The following MICU3 variants were observed in gnomAD, a reference collection of about 807,000 sequenced individuals.
MICU3 encodes the protein mitochondrial calcium uptake 3, also known as calcium uptake protein 3, mitochondrial.
In MICU3, 62 loss-of-function variants were observed where a neutral mutation model predicts 66.5. The observed-to-expected ratio is 0.93, with a 90% confidence interval of 0.76 to 1.15. MICU3 has a LOEUF of 1.15. Ranked by LOEUF, MICU3 falls within the 50% of genes most tolerant of loss-of-function variation. MICU3 has a pLI of 0.00. For missense variants in MICU3, 779 were observed against 664.4 expected, an observed-to-expected ratio of 1.17 and a Z score of -1.90; for synonymous variants, 308 against 240.7, an observed-to-expected ratio of 1.28 and a Z score of -2.59.
intron 1 of MICU3, among the ~76,000 whole-genome samples, chr8:17,051,600 G>A (rs1816091748): frequency 6.6e-6 from 1 of 152,168 alleles, no homozygotes. Context: ...GGGATAGGAG[G>A]AAAAGCAAGA....
chr8:17,137,147 A>G, the MICU3 span, among the ~76,000 whole-genome samples: 1 of 151,944 alleles, frequency 6.6e-6, no homozygotes, highest in South Asian at 2.1e-4. Flanking sequence ...CTTATCTTCA[A>G]TCCAAGTACG....
chr8:17,135,016 G>C, the MICU3 span, among the ~76,000 whole-genome samples: 5 of 152,288 alleles, frequency 3.3e-5, no homozygotes, highest in East Asian at 9.7e-4. Flanking sequence ...CTACTTACAA[G>C]TCAAGATTTA....
At chr8:17,114,462 G>A (rs75855974) in intron 12 of MICU3, among the ~76,000 whole-genome samples, 7,514 of 152,030 alleles carry the variant, frequency 0.049, 348 homozygotes, top group East Asian at 0.25. Flanking sequence ...CTTACAGGGT[G>A]GTATTTTATT....
At chr8:17,087,898 A>G (rs1290917057) in intron 7 of MICU3, among the ~76,000 whole-genome samples, 2 of 152,072 alleles carry the variant, frequency 1.3e-5, no homozygotes, top group Non-Finnish European at 2.9e-5. Flanking sequence ...GTTGGCATGT[A>G]AATGACATTT....
intron 6 of MICU3, 87 bp downstream of exon 6, chr8:17,085,405 G>C: frequency 2.6e-6 from 2 of 759,388 alleles, no homozygotes; most frequent in Middle Eastern, 2.5e-4. Context: ...GAGTACTACT[G>C]TAGAGAAAAG....
intron 3 of MICU3, 125 bp downstream of exon 3, chr8:17,069,844 A>G (rs1819283766): frequency 7.4e-6 from 2 of 271,524 alleles, no homozygotes; most frequent in Non-Finnish European, 1.3e-5. Context: ...TTTTTGGCAA[A>G]TCAAATCACA....
At chr8:17,036,878 T>C (rs962672844) in intron 1 of MICU3, among the ~76,000 whole-genome samples, 3 of 152,174 alleles carry the variant, frequency 2.0e-5, no homozygotes, top group South Asian at 2.1e-4. Flanking sequence ...GTGGTGCTCG[T>C]TGGGGAGGCT....
At chr8:17,034,511 T>G (rs189388414) in intron 1 of MICU3, among the ~76,000 whole-genome samples, 128 of 152,336 alleles carry the variant, frequency 8.4e-4, no homozygotes, top group African/African-American at 2.9e-3. Flanking sequence ...CAAAGTGAAT[T>G]GAAAACTTTC....
chr8:17,102,374 C>T lies in MICU3; in HGVS notation c.985-2017C>T, dbSNP rs1276091871. 2.6e-5 allele frequency: 4 copies of T among 151,960 alleles called. No homozygotes were observed. The South Asian group carries it at 6.2e-4, about 24-fold the overall frequency. The allele number at this position is 151,960 out of a possible 1,614,324, so 9.4% of individuals were successfully genotyped here. On this transcript the variant is annotated intron_variant, in intron 9 of 14. Coordinates refer to ENST00000318063, the MANE Select transcript of MICU3 (RefSeq NM_181723.3). ...ACACAAAGAGTGCCTATAATTAATA[C>T]CAGATTTCTTTTTTCCCAAAAGTTA...
chr8:17,063,905 ATTAAT>A (rs1168447176), intron 1 of MICU3, among the ~76,000 whole-genome samples, 174 bp from the exon 2 acceptor site: 18 of 152,294 alleles, frequency 1.2e-4, no homozygotes, highest in African/African-American at 4.3e-4. Context: ...TCTTTCGAAT[ATTAAT>A]TTATTTTATT....
chr8:17,110,936 A>C (rs1036651325), intron 11 of MICU3, among the ~76,000 whole-genome samples: 4 of 152,136 alleles, frequency 2.6e-5, no homozygotes, highest in Non-Finnish European at 5.9e-5. Flanking sequence ...ATTCTTTGCT[A>C]TGGCTGAATA....
At chr8:17,092,606 A>G (rs1029184229) in intron 8 of MICU3, among the ~76,000 whole-genome samples, 6 of 151,858 alleles carry the variant, frequency 4.0e-5, no homozygotes, top group South Asian at 4.1e-4. Flanking sequence ...GGATTTTTCA[A>G]CTCCTCTATG....
intron 4 of MICU3, among the ~76,000 whole-genome samples, chr8:17,079,086 G>C (rs1378988852): frequency 6.6e-6 from 1 of 152,068 alleles, no homozygotes; most frequent in African/African-American, 2.4e-5. Context: ...GTTAAGGGGA[G>C]GGTTTAATCT....
At chr8:17,126,454 C>T (rs116464854), downstream of MICU3, among the ~76,000 whole-genome samples, 1,765 of 152,174 alleles carry the variant, frequency 0.012, 37 homozygotes, top group African/African-American at 0.04. Flanking sequence ...GAGGAAAAAT[C>T]GGCATCCAAA....
At chr8:17,039,947 G>C (rs1293402315) in intron 1 of MICU3, among the ~76,000 whole-genome samples, 17 of 81,244 alleles carry the variant, frequency 2.1e-4, no homozygotes, top group African/African-American at 7.6e-4. Flanking sequence ...CGCTCTTGTT[G>C]CCCAGGCTGA....
chr8:17,062,432 CT>C (rs1388325079), intron 1 of MICU3, among the ~76,000 whole-genome samples: 1 of 152,078 alleles, frequency 6.6e-6, no homozygotes, highest in East Asian at 1.9e-4. Context: ...GGGAGCGAAA[CT>C]TTTTTTCAGT....
chr8:17,098,639 C>T (rs1800982406), intron 9 of MICU3, 86 bp downstream of exon 9: 6 of 867,666 alleles, frequency 6.9e-6, no homozygotes, highest in South Asian at 5.6e-5. Context: ...AGTGATGAAA[C>T]CCAACATGTA....
chr8:17,119,071 C>T (rs1057330398), intron 14 of MICU3, among the ~76,000 whole-genome samples: 2 of 152,046 alleles, frequency 1.3e-5, no homozygotes, highest in Non-Finnish European at 2.9e-5. Flanking sequence ...CAGAAAATAA[C>T]AGCTTATTTG....
At chr8:17,100,105 C>T (rs1233028154) in intron 9 of MICU3, among the ~76,000 whole-genome samples, 2 of 151,852 alleles carry the variant, frequency 1.3e-5, no homozygotes, top group Non-Finnish European at 2.9e-5. Flanking sequence ...TAATTCTGCA[C>T]ACCTCTTCCC....
Sources: gnomAD v4.1 joint callset for allele counts (sites outside exome capture counted in the v4.1 genomes callset) on GRCh38, gnomAD v4.1.1 for gene constraint, MANE v1.5 for transcripts, NCBI Gene and HGNC (gene_info 2026-07-23, HGNC 2026-07-21) for gene names.